SLC26A5: variants seen among roughly 807,000 people sequenced by gnomAD.
The protein encoded by SLC26A5 is solute carrier family 26 member 5.
SLC26A5 carries 51 observed loss-of-function variants against 81.0 expected under a neutral mutation model. The observed-to-expected ratio is 0.63, with a 90% CI of 0.50 to 0.80. The LOEUF (loss-of-function observed/expected upper bound fraction) is 0.80. SLC26A5 is among the 30% of genes least tolerant of loss of function. The probability of loss-of-function intolerance (pLI) is 0.00; values close to 1 mark genes in which losing one functional copy is unlikely to be tolerated. For synonymous variants in SLC26A5, 325 were observed against 332.8 expected (o/e 0.98, Z 0.25); for missense variants, 771 against 905.8 (o/e 0.85, Z 1.91).
chr7:103,380,655 G>A, intron 14 of SLC26A5, 106 bp from the exon 15 acceptor site: 1 of 979,094 alleles, frequency 1.0e-6, no homozygotes, highest in Non-Finnish European at 1.6e-6. Context: ...GTGCATTTGG[G>A]AATGCTTGAT....
chr7:103,419,291 C>G (rs186452364), intron 4 of SLC26A5, among the ~76,000 whole-genome samples: 16 of 152,296 alleles, frequency 1.1e-4, no homozygotes, highest in Admixed American at 8.5e-4. Flanking sequence ...TAGCTTTTCA[C>G]TGTACTCAGA....
intron 16 of SLC26A5, 83 bp from the exon 17 acceptor site, chr7:103,378,636 A>C: frequency 8.4e-7 from 1 of 1,197,492 alleles, no homozygotes; most frequent in Non-Finnish European, 1.2e-6. Flanking sequence ...AAATCTCCCC[A>C]TTTAACTGCT....
chr7:103,401,613 G>C (rs1586288010), intron 8 of SLC26A5, among the ~76,000 whole-genome samples: 1 of 152,332 alleles, frequency 6.6e-6, no homozygotes, highest in Non-Finnish European at 1.5e-5. Context: ...TAGGAGTGGT[G>C]AGAGAGGGCA....
chr7:103,389,025 C>T lies in SLC26A5; in HGVS notation c.1497G>A (p.Val499=), dbSNP rs1423011190. ...GCACTCACCTCTGTGTTCTGTAAAT[C>T]ACAGTCAGCAGAGCAATGATCACAG... is the stretch of plus-strand genomic sequence containing the variant. The part of the protein sequence containing the change: ...ITAVIIALLT[V]IYRTQSPSYK... The change falls in exon 14 of 20, where the codon GTG becomes GTA. Residue 499 remains valine, a synonymous_variant. Coordinates refer to ENST00000306312, the MANE Select transcript of SLC26A5 (RefSeq NM_198999.3). The T allele has an allele frequency of 6.2e-7, 1 of 1,612,370 alleles. No homozygotes were observed. Among genetic ancestry groups the T allele is most frequent in the Non-Finnish European group, 8.5e-7 (1 of 1,178,646 alleles).
intron 5 of SLC26A5, 117 bp from the exon 6 acceptor site, chr7:103,411,703 G>A (rs1306289493): frequency 7.0e-6 from 8 of 1,141,166 alleles, no homozygotes; most frequent in Non-Finnish European, 7.8e-6. Flanking sequence ...GGAAGGCTAC[G>A]CTCCCTTCTT....
At chr7:103,420,561 A>G (rs1825268283) in intron 4 of SLC26A5, among the ~76,000 whole-genome samples, 177 bp downstream of exon 4, 1 of 152,114 alleles carries the variant, frequency 6.6e-6, no homozygotes, top group East Asian at 1.9e-4. Flanking sequence ...TTGGCCTTCC[A>G]AAGTGCTGAG....
intron 12 of SLC26A5, 129 bp from the exon 13 acceptor site, chr7:103,389,553 T>C: frequency 1.4e-6 from 1 of 734,792 alleles, no homozygotes; most frequent in Non-Finnish European, 2.5e-6. Context: ...GCACCGATGG[T>C]AGCTTTGAAG....
intron 2 of SLC26A5, among the ~76,000 whole-genome samples, chr7:103,428,082 A>G (rs886702656): frequency 6.6e-6 from 1 of 151,860 alleles, no homozygotes; most frequent in African/African-American, 2.4e-5. Context: ...CCAACTCTTG[A>G]CCTCAGGTGA....
intron 14 of SLC26A5, among the ~76,000 whole-genome samples, chr7:103,381,615 C>T (rs1330000219): frequency 2.0e-5 from 3 of 151,170 alleles, no homozygotes; most frequent in Non-Finnish European, 4.4e-5. Context: ...ATGCAATATA[C>T]AATACACACA....
chr7:103,414,246 C>T (rs1824734940), intron 4 of SLC26A5, among the ~76,000 whole-genome samples: 1 of 146,680 alleles, frequency 6.8e-6, no homozygotes, highest in Non-Finnish European at 1.5e-5. Context: ...AGTACAGGGG[C>T]ATGTTCATGG....
At chr7:103,400,752 T>C (rs1361270421) in intron 8 of SLC26A5, among the ~76,000 whole-genome samples, 1 of 152,140 alleles carries the variant, frequency 6.6e-6, no homozygotes, top group Non-Finnish European at 1.5e-5. Context: ...GTATAAGGTG[T>C]AAGAAAGGGG....
intron 2 of SLC26A5, among the ~76,000 whole-genome samples, chr7:103,422,188 C>T (rs1825402326): frequency 6.6e-6 from 1 of 152,024 alleles, no homozygotes; most frequent in African/African-American, 2.4e-5. Flanking sequence ...CATTGCTACA[C>T]AGTGATACCA....
downstream of SLC26A5, among the ~76,000 whole-genome samples, chr7:103,370,075 T>C (rs142160238): frequency 5.9e-5 from 9 of 152,304 alleles, no homozygotes; most frequent in East Asian, 1.9e-4. Context: ...TCAAAACCAT[T>C]GCATGCATTT....
intron 19 of SLC26A5, among the ~76,000 whole-genome samples, chr7:103,365,435 C>G (rs1032314046): frequency 4.6e-5 from 7 of 151,914 alleles, no homozygotes; most frequent in African/African-American, 1.2e-4. Context: ...AGTTGGAAAC[C>G]AGCCTGACCA....
chr7:103,411,832 C>T (rs1158349546), intron 5 of SLC26A5, among the ~76,000 whole-genome samples: 3 of 152,198 alleles, frequency 2.0e-5, no homozygotes, highest in Non-Finnish European at 2.9e-5. Flanking sequence ...TTGACATTTC[C>T]CCATCAAGAG....
chr7:103,390,899 C>T (rs558302068), intron 11 of SLC26A5, among the ~76,000 whole-genome samples: 45 of 148,936 alleles, frequency 3.0e-4, no homozygotes, highest in Admixed American at 2.9e-3. Flanking sequence ...CAGACTCTCA[C>T]TCTGTCGCCA....
chr7:103,409,518 T>C (rs1268599584), intron 7 of SLC26A5, among the ~76,000 whole-genome samples: 1 of 152,206 alleles, frequency 6.6e-6, no homozygotes, highest in African/African-American at 2.4e-5. Context: ...TGAAAAAACA[T>C]TGAATTTTTA....
intron 2 of SLC26A5, among the ~76,000 whole-genome samples, chr7:103,429,885 C>T (rs1011492623): frequency 8.5e-5 from 13 of 152,168 alleles, no homozygotes; most frequent in Admixed American, 6.5e-4. Flanking sequence ...CCCATCCTTT[C>T]CCTCTTCTTT....
intron 19 of SLC26A5, among the ~76,000 whole-genome samples, chr7:103,376,397 AT>A (rs1181784199): frequency 9.9e-5 from 15 of 152,170 alleles, no homozygotes; most frequent in Admixed American, 3.3e-4. Context: ...TTTAACCAAA[AT>A]GTAATATAAA....
Sources: allele counts gnomAD v4.1 joint callset (sites outside exome capture counted in the v4.1 genomes callset), GRCh38; gene constraint gnomAD v4.1.1; transcripts MANE v1.5; gene names NCBI Gene and HGNC (gene_info 2026-07-23, HGNC 2026-07-21).